The following MTDH variants were observed in gnomAD, a reference collection of about 807,000 sequenced individuals.
The protein encoded by MTDH is metadherin, also known as protein LYRIC.
In MTDH, 34 loss-of-function variants were observed where a neutral mutation model predicts 72.7. That is an observed-to-expected ratio of 0.47 (90% CI 0.36 to 0.62). MTDH has a LOEUF of 0.62. MTDH is among the 20% of genes least tolerant of loss of function. The pLI, the probability that MTDH is intolerant of heterozygous loss-of-function variation, is 0.00. For synonymous variants in MTDH, 266 were observed against 268.9 expected (o/e 0.99, Z 0.10); for missense variants, 677 against 699.4 (o/e 0.97, Z 0.36).
chr8:97,719,572 C>G (rs774759903), intron 10 of MTDH, among the ~76,000 whole-genome samples: 29 of 151,212 alleles, frequency 1.9e-4, no homozygotes, highest in Non-Finnish European at 3.2e-4. Context: ...AAGCACTGTG[C>G]TAAGCATTTA....
In MTDH at chr8:97,713,861, AAGAC is replaced by A. The variant is rs571182766; in HGVS notation, c.1380+95_1380+98del. On this transcript the variant is annotated intron_variant, in intron 9 of 11. Coordinates refer to ENST00000336273, the MANE Select transcript of MTDH (RefSeq NM_178812.4). ...AGATGTTAAAAATACATAGAGATAA[AAGAC>A]AGTATGAGACATCATTTATTTGAAA... is the stretch of plus-strand genomic sequence containing the variant. 5.3e-4 allele frequency: 331 copies of A among 626,470 alleles called. 3 individuals are homozygous for A. The East Asian group carries it at 8.9e-3, about 17-fold the overall frequency. 38.8% of individuals were successfully genotyped at this position (626,470 alleles called of 1,614,324 possible). A position where few individuals can be genotyped will look rare whatever the true frequency, so the allele number is the denominator to read the frequency against.
chr8:97,675,744 T>C (rs1357254382), intron 2 of MTDH, among the ~76,000 whole-genome samples: 1 of 150,352 alleles, frequency 6.7e-6, no homozygotes, highest in East Asian at 2.0e-4. Flanking sequence ...TGGTAGCGTA[T>C]GCCTGTAGTC....
chr8:97,724,071 T>C (rs1264208160), intron 11 of MTDH, among the ~76,000 whole-genome samples: 1 of 152,230 alleles, frequency 6.6e-6, no homozygotes, highest in African/African-American at 2.4e-5. Flanking sequence ...ATTGCGCCAT[T>C]GCACTCCAGC....
At chr8:97,667,694 T>C (rs551418415) in intron 2 of MTDH, among the ~76,000 whole-genome samples, 1 of 152,216 alleles carries the variant, frequency 6.6e-6, no homozygotes, top group South Asian at 2.1e-4. Context: ...AAGTGAAAAT[T>C]AGAAATTTGG....
intron 11 of MTDH, 37 bp from the exon 12 acceptor site, chr8:97,724,563 T>C: frequency 6.9e-7 from 1 of 1,442,946 alleles, no homozygotes; most frequent in Admixed American, 2.2e-5. Flanking sequence ...ACCATCCTCC[T>C]AATTTTTTTC....
At chr8:97,670,970 T>G (rs1209565068) in intron 2 of MTDH, among the ~76,000 whole-genome samples, 1 of 140,378 alleles carries the variant, frequency 7.1e-6, no homozygotes, top group Non-Finnish European at 1.6e-5. Context: ...TTTTTTTTTT[T>G]TTTTTTGAGA....
Position 97,644,800 on chromosome 8 carries a change from G to C in MTDH, c.294G>C (p.Ala98=), listed in dbSNP as rs1811500156. The C allele has an allele frequency of 6.4e-7, 1 of 1,555,388 alleles. No individual in the cohort carries two copies. Among genetic ancestry groups the C allele is most frequent in the Admixed American group, 2.2e-5 (1 of 46,288 alleles). ...AGGAGGCGGCGGCCGTGCCGGCCGC[G>C]GCCCCCGACGACCTGGCCTTGCTGA... ...KREEAAAVPA[A]APDDLALLKN... The change falls in exon 1 of 12, where the codon GCG becomes GCC. Residue 98 remains alanine, a synonymous_variant. Transcript: ENST00000336273.
At chr8:97,715,394 G>T (rs1427624530) in intron 9 of MTDH, among the ~76,000 whole-genome samples, 2 of 152,168 alleles carry the variant, frequency 1.3e-5, no homozygotes, top group Non-Finnish European at 1.5e-5. Flanking sequence ...CTCCCAAAGT[G>T]CTGGGATTAC....
intron 9 of MTDH, among the ~76,000 whole-genome samples, chr8:97,714,882 G>C (rs559358870): frequency 2.0e-5 from 3 of 151,866 alleles, no homozygotes; most frequent in African/African-American, 7.3e-5. Flanking sequence ...CTGGAGTGCA[G>C]TAGTGCGATC....
At chr8:97,712,690 A>T (rs1299481911) in intron 8 of MTDH, among the ~76,000 whole-genome samples, 4 of 152,216 alleles carry the variant, frequency 2.6e-5, no homozygotes, top group Non-Finnish European at 5.9e-5. Context: ...CTAAATTTGC[A>T]GTTGTCACTG....
intron 11 of MTDH, 111 bp from the exon 12 acceptor site, chr8:97,724,489 T>C: frequency 1.4e-6 from 1 of 708,796 alleles, no homozygotes; most frequent in Non-Finnish European, 2.3e-6. Context: ...AACATAAAAT[T>C]TGAGTATTTT....
At position 97,672,970 on chromosome 8, in the gene MTDH, A is replaced by G. The variant is rs184218789; in HGVS notation, c.483+11797A>G. Among the ~76,000 whole-genome samples the G allele has an allele frequency of 3.4e-3, 516 of 152,290 alleles. 3 individuals carry two copies. Among genetic ancestry groups the G allele is most frequent in the Non-Finnish European group, 5.9e-3 (404 of 68,028 alleles). On this transcript the variant is annotated intron_variant, in intron 2 of 11. Coordinates refer to ENST00000336273, the MANE Select transcript of MTDH (RefSeq NM_178812.4). ...GATGGATCATGTATACAAATATAGT[A>G]GCTCAGAGGTTTTATTTGAGTGGAG...
At position 97,649,064 on chromosome 8, in the gene MTDH, C is replaced by G. The variant is rs536960726; in HGVS notation, c.381+4177C>G. On this transcript the variant is annotated intron_variant, in intron 1 of 11. Coordinates refer to ENST00000336273, the MANE Select transcript of MTDH (RefSeq NM_178812.4). Reference sequence around the variant, plus strand: ...CTATGTTTAGATACACAAACACTTACCATTGTGTTACAGTTGCCACAGTAT... The same window carrying G: ...CTATGTTTAGATACACAAACACTTAGCATTGTGTTACAGTTGCCACAGTAT... 1.7e-4 allele frequency among the ~76,000 whole-genome samples: 26 copies of G among 152,284 alleles called. No individual in the cohort carries two copies. The East Asian group carries it at 3.7e-3, about 21-fold the overall frequency.
intron 1 of MTDH, among the ~76,000 whole-genome samples, chr8:97,658,096 A>G (rs997127736): frequency 1.3e-5 from 2 of 152,030 alleles, no homozygotes; most frequent in African/African-American, 2.4e-5. Context: ...TACTTTTGGG[A>G]TAGGAGGCTT....
chr8:97,671,676 C>G (rs1462154414), intron 2 of MTDH, among the ~76,000 whole-genome samples: 1 of 152,006 alleles, frequency 6.6e-6, no homozygotes, highest in Admixed American at 6.6e-5. Flanking sequence ...AGCCCCATCT[C>G]TACTAAAAAT....
intron 6 of MTDH, among the ~76,000 whole-genome samples, chr8:97,697,370 T>C (rs1400245014): frequency 1.4e-5 from 2 of 146,968 alleles, no homozygotes; most frequent in Middle Eastern, 3.3e-3. Flanking sequence ...TTCCAAAATA[T>C]TATTATTTCG....
intron 2 of MTDH, among the ~76,000 whole-genome samples, chr8:97,678,510 T>A (rs1360417322): frequency 6.6e-6 from 1 of 151,754 alleles, no homozygotes; most frequent in Non-Finnish European, 1.5e-5. Flanking sequence ...TTGATAAAGC[T>A]GAACAACTTT....
intron 2 of MTDH, 53 bp downstream of exon 2, chr8:97,661,226 A>G: frequency 1.6e-6 from 2 of 1,282,260 alleles, no homozygotes; most frequent in Non-Finnish European, 2.2e-6. Context: ...AGAATGACAT[A>G]TAAGGATAAT....
chr8:97,721,707 A>G (rs1815134843), intron 10 of MTDH, among the ~76,000 whole-genome samples: 1 of 152,196 alleles, frequency 6.6e-6, no homozygotes, highest in Non-Finnish European at 1.5e-5. Flanking sequence ...CGTTCTTATC[A>G]TTACCAGGTC....
Sources: allele counts gnomAD v4.1 joint callset (sites outside exome capture counted in the v4.1 genomes callset), GRCh38; gene constraint gnomAD v4.1.1; transcripts MANE v1.5; gene names NCBI Gene and HGNC (gene_info 2026-07-23, HGNC 2026-07-21).